The following FOLH1 variants were observed in gnomAD, a reference collection of about 807,000 sequenced individuals.
FOLH1 encodes the protein folate hydrolase 1.
A neutral mutation model predicts 93.9 loss-of-function variants in FOLH1; 54 were observed. The ratio of observed to expected loss-of-function variants is 0.57; its 90% CI spans 0.46 to 0.72. The LOEUF (loss-of-function observed/expected upper bound fraction) is 0.72, where lower values mean the gene tolerates loss of function less well. Among genes scored for constraint, FOLH1 ranks in the 30% least tolerant of loss-of-function variants. The pLI is 0.00. For missense variants in FOLH1, 571 were observed against 892.5 expected (o/e 0.64, Z 4.59); for synonymous variants, 249 against 303.6 (o/e 0.82, Z 1.87).
chr11:49,186,903 A>G (rs752392493), intron 4 of FOLH1, 134 bp from the exon 5 acceptor site: 17 of 831,438 alleles, frequency 2.0e-5, no homozygotes, highest in Non-Finnish European at 2.8e-5. Flanking sequence ...CATGAGCTCC[A>G]AAGAAGAGAT....
rs1856773158 is a variant in FOLH1 at position 49,154,285 on chromosome 11, T to G, written c.1831A>C (p.Ile611Leu). ...AVVLRKYADKIYSISMKHPQE... is the reference protein window; with the variant it reads ...AVVLRKYADKLYSISMKHPQE... ...GGATGTTTCATAGAAATACTGTAGA[T>G]TTTGTCAGCATACTTTCTTAAAACT... The change falls in exon 16 of 19, where the codon ATC (isoleucine) becomes CTC (leucine). Residue 611 changes from isoleucine (I) to leucine (L), a missense_variant. Physicochemically the swap from Ile to Leu is conservative, Grantham distance 5. Around this residue, in one of 2 missense-constraint regions of FOLH1, gnomAD observed 500 missense variants for 822.9 expected, o/e 0.61. Coordinates refer to ENST00000256999, the MANE Select transcript of FOLH1 (RefSeq NM_004476.3). The G allele has an allele frequency of 6.2e-7, 1 of 1,613,504 alleles. No homozygotes were observed. The highest frequency in any genetic ancestry group is 8.5e-7 in the Non-Finnish European group (1 of 1,179,600).
intron 13 of FOLH1, among the ~76,000 whole-genome samples, chr11:49,158,871 G>A (rs1183432763): frequency 3.3e-5 from 5 of 152,092 alleles, no homozygotes; most frequent in Non-Finnish European, 5.9e-5. Flanking sequence ...TGTATTCATA[G>A]GTATTTTGTT....
intron 9 of FOLH1, among the ~76,000 whole-genome samples, chr11:49,173,779 T>TCC (rs34076610): frequency 0.99 from 150,962 of 152,256 alleles, 74,860 homozygotes; most frequent in East Asian, 1. Flanking sequence ...ACTCTATTAC[T>TCC]TCTCTTACCT....
At chr11:49,174,722 T>C (rs1386861777) in intron 9 of FOLH1, among the ~76,000 whole-genome samples, 170 bp downstream of exon 9, 1 of 152,176 alleles carries the variant, frequency 6.6e-6, no homozygotes, top group Non-Finnish European at 1.5e-5. Context: ...TGTACCACAA[T>C]ACAAAATTAT....
At chr11:49,152,830 A>G (rs1397483547) in intron 17 of FOLH1, among the ~76,000 whole-genome samples, 3 of 152,116 alleles carry the variant, frequency 2.0e-5, no homozygotes, top group African/African-American at 7.2e-5. Context: ...ATCTTTCAAG[A>G]AATTTCCATT....
intron 2 of FOLH1, among the ~76,000 whole-genome samples, chr11:49,202,525 T>C (rs1863379494): frequency 6.6e-6 from 1 of 151,886 alleles, no homozygotes; most frequent in South Asian, 2.1e-4. Context: ...TACAGACACA[T>C]GCCACCATGC....
In FOLH1 at chr11:49,186,621, A is replaced by G. The variant is rs1251707937; in HGVS notation, c.639+23T>C. On this transcript the variant is annotated intron_variant, in intron 5 of 18. Transcript: ENST00000256999. ...AACTTTTTACATTGGGGGAGAGAAA[A>G]AAAGAGATAATTTTTACCTTACCTT... 3.1e-6 allele frequency: 5 copies of G among 1,605,072 alleles called. 1 individual carries two copies. The South Asian group carries it at 5.6e-5, about 18-fold the overall frequency.
At chr11:49,202,850 T>G (rs941402763) in intron 2 of FOLH1, among the ~76,000 whole-genome samples, 1 of 152,176 alleles carries the variant, frequency 6.6e-6, no homozygotes, top group African/African-American at 2.4e-5. Flanking sequence ...GAGCTATGAT[T>G]GTGCCACTGC....
At chr11:49,155,543 A>C in intron 15 of FOLH1, 1 of 238,382 alleles carries the variant, frequency 4.2e-6, no homozygotes, top group South Asian at 4.6e-5. Context: ...CATTTTTATA[A>C]CTGTGAGAAT....
chr11:49,185,389 C>A (rs1001873768), intron 6 of FOLH1, among the ~76,000 whole-genome samples: 13 of 152,146 alleles, frequency 8.5e-5, no homozygotes, highest in Admixed American at 7.9e-4. Flanking sequence ...TCTGTCCCAG[C>A]CCCCTATGTC....
chr11:49,183,830 A>G (rs1301392783), intron 6 of FOLH1, among the ~76,000 whole-genome samples: 3 of 152,146 alleles, frequency 2.0e-5, no homozygotes, highest in Non-Finnish European at 4.4e-5. Flanking sequence ...GATGCTAGAT[A>G]CTAGATAGTG....
At chr11:49,197,573 G>A (rs1489149616) in intron 3 of FOLH1, among the ~76,000 whole-genome samples, 1 of 152,094 alleles carries the variant, frequency 6.6e-6, no homozygotes, top group East Asian at 1.9e-4. Context: ...ATTTCTCATA[G>A]GATCCACAAA....
intron 12 of FOLH1, among the ~76,000 whole-genome samples, chr11:49,168,701 C>T (rs1858781730): frequency 6.6e-6 from 1 of 152,160 alleles, no homozygotes; most frequent in Admixed American, 6.5e-5. Flanking sequence ...GAAATCCTGA[C>T]CTGAAGTGAT....
chr11:49,169,145 G>A, intron 12 of FOLH1, 50 bp downstream of exon 12: 1 of 1,580,358 alleles, frequency 6.3e-7, no homozygotes, highest in Non-Finnish European at 8.7e-7. Context: ...TAACTAGACT[G>A]CTGCTCCTAG....
chr11:49,177,894 T>C (rs183073969), intron 7 of FOLH1, among the ~76,000 whole-genome samples: 270 of 141,820 alleles, frequency 1.9e-3, no homozygotes, highest in African/African-American at 6.5e-3. Flanking sequence ...ACCTGGGAGG[T>C]AGAGATTGCG....
intron 7 of FOLH1, among the ~76,000 whole-genome samples, chr11:49,182,328 CAAAA>C (rs59966842): frequency 1.7e-5 from 1 of 59,978 alleles, no homozygotes; most frequent in Non-Finnish European, 2.8e-5. Context: ...GACACTGTCT[CAAAA>C]AAAAAAAAAA....
At chr11:49,202,604 C>T (rs1863396499) in intron 2 of FOLH1, among the ~76,000 whole-genome samples, 1 of 152,164 alleles carries the variant, frequency 6.6e-6, no homozygotes, top group South Asian at 2.1e-4. Context: ...CCTTGTCCTC[C>T]CAAAGAGCTG....
intron 17 of FOLH1, among the ~76,000 whole-genome samples, chr11:49,151,541 G>A (rs904025563): frequency 2.6e-5 from 4 of 152,192 alleles, no homozygotes; most frequent in African/African-American, 9.7e-5. Context: ...CTCTTCCTTA[G>A]ATTTCAAAGT....
intron 15 of FOLH1, among the ~76,000 whole-genome samples, chr11:49,154,873 A>C (rs1406709338): frequency 2.0e-5 from 3 of 152,052 alleles, no homozygotes; most frequent in African/African-American, 7.2e-5. Flanking sequence ...TAAGTATTAC[A>C]CAATATTATA....
Sources: allele counts gnomAD v4.1 joint callset (sites outside exome capture counted in the v4.1 genomes callset), GRCh38; gene constraint gnomAD v4.1.1; regional missense constraint gnomAD v4.1.1; transcripts MANE v1.5; gene names NCBI Gene and HGNC (gene_info 2026-07-23, HGNC 2026-07-21).